The following PHF24 variants were observed in gnomAD, a reference collection of about 807,000 sequenced individuals.
PHF24 encodes the protein Galpha inhibitory interacting protein.
In PHF24, 25 loss-of-function variants were observed where a neutral mutation model predicts 42.6. That is an observed-to-expected ratio of 0.59 (90% CI 0.43 to 0.82). PHF24 has a LOEUF of 0.82. Ranked by LOEUF, PHF24 falls within the 40% of genes least tolerant of loss-of-function variation. PHF24 has a pLI of 0.00. For missense variants in PHF24, 470 were observed against 538.1 expected, an observed-to-expected ratio of 0.87 and a Z score of 1.25; for synonymous variants, 185 against 204.8, an observed-to-expected ratio of 0.90 and a Z score of 0.83.
the PHF24 span, among the ~76,000 whole-genome samples, chr9:34,795,573 G>A: frequency 6.6e-6 from 1 of 152,132 alleles, no homozygotes; most frequent in Admixed American, 6.5e-5. Context: ...TTGCCCTATT[G>A]AGTTGTTTGA....
the PHF24 span, among the ~76,000 whole-genome samples, chr9:34,742,307 A>T: frequency 6.6e-6 from 1 of 152,222 alleles, no homozygotes; most frequent in Non-Finnish European, 1.5e-5. Context: ...TCAAGTTCAG[A>T]GGAGCAGAGC....
chr9:34,805,880 G>C, the PHF24 span, among the ~76,000 whole-genome samples: 1 of 152,146 alleles, frequency 6.6e-6, no homozygotes, highest in Non-Finnish European at 1.5e-5. Flanking sequence ...TTTGTGTATG[G>C]TGTGAGGTAA....
intron 3 of PHF24, among the ~76,000 whole-genome samples, chr9:34,972,866 A>G (rs1484828034): frequency 1.3e-5 from 2 of 148,440 alleles, no homozygotes; most frequent in African/African-American, 2.5e-5. Flanking sequence ...GCGAGCCGAA[A>G]TCGCGCCACT....
chr9:34,936,432 T>C, the PHF24 span, among the ~76,000 whole-genome samples: 9 of 152,072 alleles, frequency 5.9e-5, no homozygotes, highest in South Asian at 2.1e-4. Flanking sequence ...CCTCCACCTC[T>C]CAGCCGCCTG....
At chr9:34,728,245 T>C in the PHF24 span, among the ~76,000 whole-genome samples, 1 of 152,218 alleles carries the variant, frequency 6.6e-6, no homozygotes, top group Non-Finnish European at 1.5e-5. Context: ...TAACACAATG[T>C]CCCATATCTA....
intron 1 of PHF24, among the ~76,000 whole-genome samples, chr9:34,970,911 C>T (rs569137541): frequency 6.6e-6 from 1 of 152,130 alleles, no homozygotes; most frequent in South Asian, 2.1e-4. Context: ...GGGAAATAGC[C>T]CTCATTCCAT....
the PHF24 span, among the ~76,000 whole-genome samples, chr9:34,668,240 A>C: frequency 6.6e-6 from 1 of 152,194 alleles, no homozygotes; most frequent in African/African-American, 2.4e-5. Context: ...CTCCACCCAC[A>C]TGCACTGTTC....
chr9:34,699,347 T>C, the PHF24 span, among the ~76,000 whole-genome samples: 1 of 152,196 alleles, frequency 6.6e-6, no homozygotes, highest in South Asian at 2.1e-4. Context: ...GGTCCTGAAA[T>C]ACAGTGGTTA....
At chr9:34,918,739 C>T in the PHF24 span, among the ~76,000 whole-genome samples, 1 of 152,050 alleles carries the variant, frequency 6.6e-6, no homozygotes, top group Non-Finnish European at 1.5e-5. Context: ...TTATAACCAA[C>T]AAGAGATATT....
At chr9:34,762,958 C>T in the PHF24 span, among the ~76,000 whole-genome samples, 7 of 152,154 alleles carry the variant, frequency 4.6e-5, no homozygotes, top group East Asian at 9.6e-4. Context: ...ATAGGGAATC[C>T]TTTCCCCATT....
chr9:34,941,162 T>C, the PHF24 span, among the ~76,000 whole-genome samples: 1 of 152,194 alleles, frequency 6.6e-6, no homozygotes, highest in Non-Finnish European at 1.5e-5. Flanking sequence ...CCTGGGGACC[T>C]AGCACAATAT....
chr9:34,958,035 C>T (rs1055619305), upstream of PHF24, among the ~76,000 whole-genome samples: 10 of 150,546 alleles, frequency 6.6e-5, no homozygotes, highest in African/African-American at 2.4e-4. This position sits in a 1 kb window ranked among gnomAD's most constrained non-coding sequence, Gnocchi z 4.5. Context: ...GCCGTCCTCC[C>T]GCATTCCCAC....
the PHF24 span, among the ~76,000 whole-genome samples, chr9:34,731,979 T>C: frequency 3.3e-5 from 5 of 151,868 alleles, no homozygotes; most frequent in Non-Finnish European, 7.4e-5. Context: ...GCCTCCCAGG[T>C]AGCTGGGACC....
At chr9:34,848,029 A>G in the PHF24 span, among the ~76,000 whole-genome samples, 1 of 152,064 alleles carries the variant, frequency 6.6e-6, no homozygotes, top group East Asian at 1.9e-4. Flanking sequence ...TTTTTGCATC[A>G]ATGTTCATCA....
chr9:34,724,992 C>T, the PHF24 span: 1 of 1,552,044 alleles, frequency 6.4e-7, no homozygotes, highest in South Asian at 1.2e-5. Context: ...CCTGGTAAAG[C>T]CTGTTGCTGC....
intron 1 of PHF24, among the ~76,000 whole-genome samples, chr9:34,969,006 A>G (rs1049798467): frequency 5.9e-5 from 9 of 152,244 alleles, no homozygotes; most frequent in Admixed American, 5.9e-4. Context: ...GCTCTGATAG[A>G]CAAATAGGCA....
At chr9:34,830,764 T>C in the PHF24 span, among the ~76,000 whole-genome samples, 1 of 152,110 alleles carries the variant, frequency 6.6e-6, no homozygotes, top group Non-Finnish European at 1.5e-5. Flanking sequence ...AGGGACTTTG[T>C]TTAATCTGTG....
the PHF24 span, among the ~76,000 whole-genome samples, chr9:34,759,155 TA>T: frequency 6.6e-6 from 1 of 152,192 alleles, no homozygotes; most frequent in South Asian, 2.1e-4. Context: ...TTATTAGGCC[TA>T]AAACATGCTG....
the PHF24 span, chr9:34,728,532 C>T: frequency 2.1e-6 from 3 of 1,431,010 alleles, no homozygotes; most frequent in Admixed American, 2.0e-5. Flanking sequence ...GCTCTTGGCT[C>T]CAGAGGTCAC....
Sources: gnomAD v4.1 joint callset for allele counts (sites outside exome capture counted in the v4.1 genomes callset) on GRCh38, gnomAD v4.1.1 for gene constraint, Gnocchi (gnomAD v3.1) non-coding constraint, MANE v1.5 for transcripts, NCBI Gene and HGNC (gene_info 2026-07-23, HGNC 2026-07-21) for gene names.